ZC3H3: variants seen among roughly 807,000 people sequenced by gnomAD.
ZC3H3 encodes the protein zinc finger CCCH domain-containing protein 3.
Under a neutral mutation model 77.3 loss-of-function variants are expected in ZC3H3, and 36 were observed. The observed-to-expected ratio is 0.47, with a 90% confidence interval of 0.36 to 0.61. The LOEUF is 0.61. Among genes scored for constraint, ZC3H3 ranks in the 20% least tolerant of loss-of-function variants. The pLI, the probability that ZC3H3 is intolerant of heterozygous loss-of-function variation, is 0.00. For synonymous variants in ZC3H3, 626 were observed against 555.2 expected, an observed-to-expected ratio of 1.13 and a Z score of -1.79; for missense variants, 1,331 against 1,312.2, an observed-to-expected ratio of 1.01 and a Z score of -0.22.
intron 4 of ZC3H3, among the ~76,000 whole-genome samples, chr8:143,486,854 C>T (rs1310681159): frequency 9.7e-6 from 1 of 103,332 alleles, no homozygotes; most frequent in Non-Finnish European, 1.9e-5. Context: ...ACGGCCCCAC[C>T]ACCACGAAGC....
chr8:143,536,590 C>G, intron 2 of ZC3H3, 137 bp from the exon 3 acceptor site: 1 of 907,906 alleles, frequency 1.1e-6, no homozygotes, highest in East Asian at 2.9e-5. Flanking sequence ...TTTCTGGACC[C>G]TGCCTCCCTC....
intron 5 of ZC3H3, among the ~76,000 whole-genome samples, chr8:143,473,644 C>T (rs1820642034): frequency 6.6e-6 from 1 of 152,236 alleles, no homozygotes; most frequent in African/African-American, 2.4e-5. Flanking sequence ...TGCCAGCCAA[C>T]GTGGGGCTTG....
chr8:143,461,819 T>C (rs530349226), intron 9 of ZC3H3, among the ~76,000 whole-genome samples: 4 of 150,900 alleles, frequency 2.7e-5, no homozygotes, highest in Non-Finnish European at 5.9e-5. Context: ...CCGGGACTGA[T>C]GATGAAAAGA....
rs80134502 is a variant in ZC3H3 at position 143,524,204 on chromosome 8, G to A, written c.1561+12053C>T. Among the ~76,000 whole-genome samples the A allele has an allele frequency of 2.8e-4, 42 of 152,366 alleles. No individual in the cohort carries two copies. The East Asian group carries it at 6.9e-3, about 25-fold the overall frequency. ...CAACATGGCCGGCACAGAGCAGATC[G>A]TGGTGGGCTCTGAGCCCCACTCCCT... is the stretch of plus-strand genomic sequence containing the variant. On this transcript the variant is annotated intron_variant, in intron 3 of 11. Transcript: ENST00000262577.
intron 4 of ZC3H3, among the ~76,000 whole-genome samples, chr8:143,483,590 G>A (rs961250989): frequency 2.6e-5 from 4 of 152,164 alleles, no homozygotes; most frequent in Admixed American, 1.3e-4. Context: ...GGTGCTAGGC[G>A]GGCTCCCGGC....
intron 3 of ZC3H3, among the ~76,000 whole-genome samples, chr8:143,522,345 G>A (rs1822274075): frequency 6.6e-6 from 1 of 152,254 alleles, no homozygotes; most frequent in Non-Finnish European, 1.5e-5. Context: ...GCTCACGCCT[G>A]TAATCCCAGC....
intron 1 of ZC3H3, 42 bp from the exon 2 acceptor site, chr8:143,539,362 C>A (rs1338698703): frequency 6.5e-7 from 1 of 1,536,160 alleles, no homozygotes; most frequent in Admixed American, 1.9e-5. Flanking sequence ...CAGAGGGTAA[C>A]CGCGATAATC....
intron 11 of ZC3H3, among the ~76,000 whole-genome samples, chr8:143,438,903 C>T (rs894990014): frequency 2.6e-5 from 4 of 152,208 alleles, no homozygotes; most frequent in African/African-American, 9.6e-5. Flanking sequence ...TCAGCCTGCC[C>T]CTGCGGTGGC....
At chr8:143,505,187 A>G (rs1472465543) in intron 4 of ZC3H3, among the ~76,000 whole-genome samples, 1 of 152,148 alleles carries the variant, frequency 6.6e-6, no homozygotes, top group Non-Finnish European at 1.5e-5. Flanking sequence ...GCTGGGGCCC[A>G]AGGAGAGCTC....
At chr8:143,524,203 C>G (rs913563517) in intron 3 of ZC3H3, among the ~76,000 whole-genome samples, 1 of 152,220 alleles carries the variant, frequency 6.6e-6, no homozygotes, top group Non-Finnish European at 1.5e-5. Flanking sequence ...CAGAGCAGAT[C>G]GTGGTGGGCT....
intron 3 of ZC3H3, among the ~76,000 whole-genome samples, chr8:143,509,525 C>T (rs1410639147): frequency 1.3e-5 from 2 of 152,244 alleles, no homozygotes; most frequent in Non-Finnish European, 2.9e-5. Context: ...AGCCCACCCC[C>T]AACCCCAGAG....
chr8:143,458,789 C>T (rs1586883784), intron 9 of ZC3H3, among the ~76,000 whole-genome samples: 1 of 85,118 alleles, frequency 1.2e-5, no homozygotes, highest in Non-Finnish European at 2.5e-5. Flanking sequence ...CGCCTGTAAC[C>T]CCAGCATTTA....
At chr8:143,471,521 G>C (rs1445312436) in intron 5 of ZC3H3, among the ~76,000 whole-genome samples, 1 of 152,048 alleles carries the variant, frequency 6.6e-6, no homozygotes, top group Non-Finnish European at 1.5e-5. Flanking sequence ...CCAGAGACTG[G>C]GGCCTCTGCC....
At chr8:143,481,294 T>C (rs402011) in intron 4 of ZC3H3, among the ~76,000 whole-genome samples, 109,367 of 152,102 alleles carry the variant, frequency 0.72, 39,372 homozygotes, top group South Asian at 0.8. Flanking sequence ...GGAGGAGAGC[T>C]GCTGATGGGA....
rs1224156257 is a variant in ZC3H3, at chr8:143,507,979, A to G, written c.1562-80T>C. 2.4e-5 allele frequency: 34 copies of G among 1,418,666 alleles called. No individual in the cohort carries two copies. In the South Asian group the frequency reaches 5.0e-4, roughly 21 times the overall value. The allele number at this position is 1,418,666 out of a possible 1,614,324, so 87.9% of individuals were successfully genotyped here. A position where few individuals can be genotyped will look rare whatever the true frequency, so the allele number is the denominator to read the frequency against. ...GGTCAGAGAGGCCACCCACAGTGCC[A>G]GCTCTGCCCACCGCCTCCGCCGGAG... On this transcript the variant is annotated intron_variant, in intron 3 of 11. Transcript: ENST00000262577.
intron 9 of ZC3H3, among the ~76,000 whole-genome samples, chr8:143,451,591 C>G (rs1819988724): frequency 6.6e-6 from 1 of 151,972 alleles, no homozygotes; most frequent in Non-Finnish European, 1.5e-5. Context: ...CAAGACCAGC[C>G]TGGCCAACAT....
chr8:143,493,568 C>T lies in ZC3H3; in HGVS notation c.1715+14178G>A, dbSNP rs144586367. Among the ~76,000 whole-genome samples, 547 of 152,278 alleles carry T rather than the reference C, an allele frequency of 3.6e-3. 3 individuals are homozygous for T. Among genetic ancestry groups the T allele is most frequent in the African/African-American group, 0.013 (520 of 41,540 alleles). On this transcript the variant is annotated intron_variant, in intron 4 of 11. Coordinates refer to ENST00000262577, the MANE Select transcript of ZC3H3 (RefSeq NM_015117.3). This position sits in a 1 kb window ranked among gnomAD's most constrained non-coding sequence, Gnocchi z 4.8. ...CTGCCAAGGACTCCACTCACAAAGC[C>T]GAAAGGCCTGCCTGCCTCAAACAAA...
chr8:143,492,091 G>C (rs1821221628), intron 4 of ZC3H3, among the ~76,000 whole-genome samples: 1 of 152,232 alleles, frequency 6.6e-6, no homozygotes, highest in Non-Finnish European at 1.5e-5. Flanking sequence ...TGCCGAGAGG[G>C]AATGGAGAGG....
chr8:143,468,309 A>C (rs1291823588), intron 7 of ZC3H3, 31 bp from the exon 8 acceptor site: 1 of 1,612,354 alleles, frequency 6.2e-7, no homozygotes, highest in South Asian at 1.1e-5. Flanking sequence ...GGTATGAGGA[A>C]GGGCCGGCAG....
Sources: gnomAD v4.1 joint callset for allele counts (sites outside exome capture counted in the v4.1 genomes callset) on GRCh38, gnomAD v4.1.1 for gene constraint, Gnocchi (gnomAD v3.1) non-coding constraint, MANE v1.5 for transcripts, NCBI Gene and HGNC (gene_info 2026-07-23, HGNC 2026-07-21) for gene names.